Variants in TENM4 observed in about 807,000 individuals in gnomAD.
The protein encoded by TENM4 is teneurin transmembrane protein 4, also known as teneurin-4.
A neutral mutation model predicts 243.3 loss-of-function variants in TENM4; 82 were observed. The ratio of observed to expected loss-of-function variants is 0.34; its 90% CI spans 0.28 to 0.40. The LOEUF (loss-of-function observed/expected upper bound fraction) is 0.40, where lower values mean the gene tolerates loss of function less well. Among genes scored for constraint, TENM4 ranks in the 10% least tolerant of loss-of-function variants. The pLI, the probability that TENM4 is intolerant of heterozygous loss-of-function variation, is 1.00. For synonymous variants in TENM4, 1,412 were observed against 1,456.3 expected, an observed-to-expected ratio of 0.97 and a Z score of 0.69; for missense variants, 3,138 against 3,673.3, an observed-to-expected ratio of 0.85 and a Z score of 3.77.
rs374532420 is a variant in TENM4, at chr11:78,853,610, C to T, written c.1681+494G>A. On this transcript the variant is annotated intron_variant, in intron 12 of 33. Transcript: ENST00000278550. ...CAGTCTGACTGATGGCATGGTTCAT[C>T]CAGCCTTTTGCACTGCTGTTCTTAC... Among the ~76,000 whole-genome samples, 9 of 152,296 alleles carry T rather than the reference C, an allele frequency of 5.9e-5. No homozygotes were observed. The South Asian group carries it at 1.2e-3, about 21-fold the overall frequency.
chr11:79,000,434 T>G (rs536003923), intron 6 of TENM4, among the ~76,000 whole-genome samples: 1 of 146,106 alleles, frequency 6.8e-6, no homozygotes, highest in African/African-American at 2.7e-5. Flanking sequence ...TAACACTGTA[T>G]AGTTAGGTTT....
chr11:78,856,764 T>C (rs1591075200), intron 10 of TENM4, among the ~76,000 whole-genome samples: 2 of 152,104 alleles, frequency 1.3e-5, no homozygotes, highest in Non-Finnish European at 2.9e-5. Context: ...GAGGAAAAGG[T>C]ACTTCTGAAA....
chr11:78,848,152 C>CT lies in TENM4; in HGVS notation c.1681+5951dup, dbSNP rs1222205082. On this transcript the variant is annotated intron_variant, in intron 12 of 33. Coordinates refer to ENST00000278550, the MANE Select transcript of TENM4 (RefSeq NM_001098816.3). ...TCCTCACTCCCTCCTTCCCTCCCTC[C>CT]TTTTTTTTTTTTTCTTCTGAAGTCA... 9.2e-3 allele frequency among the ~76,000 whole-genome samples: 1,316 copies of CT among 143,736 alleles called. 10 individuals carry two copies. The highest frequency in any genetic ancestry group is 0.027 in the African/African-American group (1,078 of 39,370). 94.3% of individuals were successfully genotyped at this position (143,736 alleles called of 152,430 possible). A position where few individuals can be genotyped will look rare whatever the true frequency, so the allele number is the denominator to read the frequency against.
intron 18 of TENM4, among the ~76,000 whole-genome samples, chr11:78,763,650 G>A (rs984043877): frequency 2.0e-5 from 3 of 152,194 alleles, no homozygotes; most frequent in African/African-American, 7.2e-5. Flanking sequence ...GTGTGTGGGA[G>A]AAAGAAATCC....
chr11:78,688,083 G>A lies in TENM4; in HGVS notation c.5231C>T (p.Ala1744Val), dbSNP rs1479142782. The A allele has an allele frequency of 1.2e-6, 2 of 1,613,864 alleles. No individual in the cohort carries two copies. The highest frequency in any genetic ancestry group is 3.3e-5 in the Admixed American group (2 of 60,014). ...DDVTITTNLSASGAFYTLLQD... is the reference protein window; with the variant it reads ...DDVTITTNLSVSGAFYTLLQD... ...CAGCAGTGTGTAGAAGGCGCCTGAG[G>A]CAGACAGGTTGGTGGTTATGGTGAC... The change falls in exon 29 of 34, where the codon GCC (alanine) becomes GTC (valine). Residue 1744 changes from alanine (A) to valine (V), a missense_variant. Physicochemically the swap from Ala to Val is moderately conservative, Grantham distance 64. Coordinates refer to ENST00000278550, the MANE Select transcript of TENM4 (RefSeq NM_001098816.3).
intron 1 of TENM4, among the ~76,000 whole-genome samples, chr11:79,367,872 G>A (rs1565317366): frequency 1.3e-5 from 2 of 152,184 alleles, no homozygotes; most frequent in African/African-American, 2.4e-5. Flanking sequence ...TTGGCAGGGT[G>A]GTGGGGTCTT....
rs1399396066 is a variant in TENM4 at position 79,138,606 on chromosome 11, T to A, written c.-66+10104A>T. On this transcript the variant is annotated intron_variant, in intron 4 of 33. Transcript: ENST00000278550. ...TAAATACATAAAACATATATTATAT[T>A]TATATAAATACATAAAACATATATT... is the stretch of plus-strand genomic sequence containing the variant. Among the ~76,000 whole-genome samples, 279 of 104,696 alleles carry A rather than the reference T, an allele frequency of 2.7e-3. 12 individuals are homozygous for A. The highest frequency in any genetic ancestry group is 0.011 in the African/African-American group (265 of 24,090). 68.7% of individuals were successfully genotyped at this position (104,696 alleles called of 152,430 possible). A position where few individuals can be genotyped will look rare whatever the true frequency, so the allele number is the denominator to read the frequency against.
intron 28 of TENM4, among the ~76,000 whole-genome samples, chr11:78,695,681 T>TG (rs961739104): frequency 3.9e-5 from 6 of 151,972 alleles, no homozygotes; most frequent in African/African-American, 1.5e-4. Flanking sequence ...TTTTTCTTTT[T>TG]TTTTTTCTTT....
chr11:78,668,997 A>G lies in TENM4; in HGVS notation c.7348T>C (p.Tyr2450His). The G allele has an allele frequency of 1.9e-6, 3 of 1,613,998 alleles. No individual in the cohort carries two copies. The highest frequency in any genetic ancestry group is 1.7e-6 in the Non-Finnish European group (2 of 1,179,892). ...ATGGGGTTGTTGTTTTTGAACATAT[A>G]GAGATTAAAAGGCATGACGTTGCTG... ...SSSNVMPFNL[Y>H]MFKNNNPISN... The change falls in exon 32 of 34, where the codon TAT becomes CAT. Residue 2450 changes from tyrosine to histidine, a missense_variant. Physicochemically the swap from Tyr to His is moderately conservative, Grantham distance 83. Transcript: ENST00000278550.
At chr11:79,409,825 T>C (rs1389263228) in intron 1 of TENM4, among the ~76,000 whole-genome samples, 1 of 152,190 alleles carries the variant, frequency 6.6e-6, no homozygotes, top group Admixed American at 6.5e-5. Context: ...ATACCCCAGC[T>C]TTCTTGGCCC....
Position 79,438,658 on chromosome 11 carries a change from G to A in TENM4, c.-321+1851C>T, listed in dbSNP as rs1859330175. On this transcript the variant is annotated intron_variant, in intron 1 of 33. Transcript: ENST00000278550. This position sits in a 1 kb window ranked among gnomAD's most constrained non-coding sequence, Gnocchi z 4.1. ...AAGACAAGGAGGGGCGCCCAGGAAGGGCGGAAAAGAGGGGCTTTGGGGCTC... is the reference window on the plus strand; with the variant it reads ...AAGACAAGGAGGGGCGCCCAGGAAGAGCGGAAAAGAGGGGCTTTGGGGCTC... 6.6e-6 allele frequency among the ~76,000 whole-genome samples: 1 copy of A among 152,192 alleles called. No individual in the cohort carries two copies. The highest frequency in any genetic ancestry group is 2.4e-5 in the African/African-American group (1 of 41,450).
rs1349753594 is a variant in TENM4, at chr11:78,729,622, T to C, written c.3160A>G (p.Ile1054Val). 6 of 1,611,220 alleles carry C rather than the reference T, an allele frequency of 3.7e-6. No individual in the cohort carries two copies. The highest frequency in any genetic ancestry group is 5.1e-6 in the Non-Finnish European group (6 of 1,178,128). Residue 1054 changes from isoleucine to valine, a missense_variant, in exon 22 of 34, where the codon ATC becomes GTC. Ile to Val is a conservative substitution (Grantham distance 29, BLOSUM62 3). Around this residue, in one of 2 missense-constraint regions of TENM4, gnomAD observed 2,467 missense variants for 3,059.1 expected, o/e 0.81. Transcript: ENST00000278550. Reference sequence around the variant, plus strand: ...CTCAGCCTCATCTTGCAGCCAGAGATAGAGATTTCCTCCTGCAAAGCCTAG... The same window carrying C: ...CTCAGCCTCATCTTGCAGCCAGAGACAGAGATTTCCTCCTGCAAAGCCTAG... ...EIQALQEEIS[I>V]SGCKMRLSYL...
At chr11:78,759,874 T>C (rs1006569125) in intron 18 of TENM4, among the ~76,000 whole-genome samples, 7 of 152,248 alleles carry the variant, frequency 4.6e-5, no homozygotes, top group Admixed American at 6.5e-5. Flanking sequence ...ACTCGGAATC[T>C]GAACTCAGTT....
intron 1 of TENM4, among the ~76,000 whole-genome samples, chr11:79,423,424 C>T (rs1858979470): frequency 6.6e-6 from 1 of 152,130 alleles, no homozygotes; most frequent in African/African-American, 2.4e-5. Context: ...GCTTTCTCCC[C>T]CATACCATCC....
chr11:79,169,396 C>G (rs1218258075), intron 3 of TENM4, among the ~76,000 whole-genome samples: 22 of 152,228 alleles, frequency 1.4e-4, no homozygotes. Flanking sequence ...GGCGGTGGAA[C>G]TTGGGGAGGC....
intron 3 of TENM4, among the ~76,000 whole-genome samples, chr11:79,168,146 G>T (rs543014911): frequency 6.6e-6 from 1 of 152,310 alleles, no homozygotes; most frequent in African/African-American, 2.4e-5. Flanking sequence ...TGAGTAAAGG[G>T]GATAGAACAA....
chr11:78,886,326 C>T (rs778792826), intron 9 of TENM4, among the ~76,000 whole-genome samples: 1 of 152,176 alleles, frequency 6.6e-6, no homozygotes, highest in Non-Finnish European at 1.5e-5. Context: ...TCAGCTGAGA[C>T]AATTAATTTG....
At chr11:78,879,100 G>A (rs1859344138) in intron 9 of TENM4, among the ~76,000 whole-genome samples, 1 of 151,618 alleles carries the variant, frequency 6.6e-6, no homozygotes, top group African/African-American at 2.4e-5. Flanking sequence ...GGGAAGTGAG[G>A]TGTGCCTCTG....
chr11:78,920,003 C>G (rs1565126093), intron 6 of TENM4, among the ~76,000 whole-genome samples: 1 of 152,200 alleles, frequency 6.6e-6, no homozygotes, highest in Non-Finnish European at 1.5e-5. Context: ...CGTATGCATG[C>G]ATATGTCCCC....
Sources: gnomAD v4.1 joint callset for allele counts (sites outside exome capture counted in the v4.1 genomes callset) on GRCh38, gnomAD v4.1.1 for gene constraint, gnomAD v4.1.1 regional missense constraint, Gnocchi (gnomAD v3.1) non-coding constraint, MANE v1.5 for transcripts, NCBI Gene and HGNC (gene_info 2026-07-23, HGNC 2026-07-21) for gene names.